Variants in CADPS observed in about 807,000 individuals in gnomAD.
CADPS encodes the protein calcium-dependent secretion activator 1.
A neutral mutation model predicts 167.3 loss-of-function variants in CADPS; 57 were observed. That is an observed-to-expected ratio of 0.34 (90% CI 0.28 to 0.42). The LOEUF (loss-of-function observed/expected upper bound fraction) is 0.42. Among genes scored for constraint, CADPS ranks in the 20% least tolerant of loss-of-function variants. The probability of loss-of-function intolerance (pLI) is 1.00; values close to 1 mark genes in which losing one functional copy is unlikely to be tolerated. For synonymous variants in CADPS, 676 were observed against 635.3 expected (o/e 1.06, Z -0.96); for missense variants, 1,414 against 1,738.1 (o/e 0.81, Z 3.32).
Position 62,550,066 on chromosome 3 carries a change from G to A in CADPS, c.1803C>T (p.Thr601=), listed in dbSNP as rs770889749. 21 of 1,613,852 alleles carry A rather than the reference G, an allele frequency of 1.3e-5. No homozygotes were observed. The highest frequency in any genetic ancestry group is 1.6e-5 in the Non-Finnish European group (19 of 1,179,978). Residue 601 remains threonine, a synonymous_variant, in exon 11 of 30, where the codon ACC becomes ACT. Transcript: ENST00000383710. ...AFFNAVKEGD[T]VIFASDDEQD... is the part of the protein sequence containing the mutation. ...GTTCATCGTCACTGGCAAATATCAC[G>A]GTGTCTCCCTCCTTGACAGCATTGA...
At position 62,475,592 on chromosome 3, in the gene CADPS, A is replaced by AAAC. The variant is rs1231690947; in HGVS notation, c.3330-1273_3330-1272insGTT. ...GGGAGCCCAGTTCTTAAGAAAAAAA[A>AAAC]AAAAAAAAAAAAAAAAAAAACACCT... On this transcript the variant is annotated intron_variant, in intron 23 of 29. Coordinates refer to ENST00000383710, the MANE Select transcript of CADPS (RefSeq NM_003716.4). Among the ~76,000 whole-genome samples the AAAC allele has an allele frequency of 7.2e-4, 103 of 142,806 alleles. 1 individual carries two copies. Among genetic ancestry groups the AAAC allele is most frequent in the African/African-American group, 2.6e-3 (100 of 38,338 alleles). The allele number at this position is 142,806 out of a possible 152,430, so 93.7% of individuals were successfully genotyped here. A position where few individuals can be genotyped will look rare whatever the true frequency, so the allele number is the denominator to read the frequency against.
intron 16 of CADPS, among the ~76,000 whole-genome samples, chr3:62,515,074 C>A (rs2068664936): frequency 6.6e-6 from 1 of 152,076 alleles, no homozygotes; most frequent in Admixed American, 6.6e-5. Flanking sequence ...TAATCTTAAC[C>A]TAATTCTCTA....
intron 3 of CADPS, among the ~76,000 whole-genome samples, chr3:62,684,719 C>A (rs544445753): frequency 6.6e-6 from 1 of 151,964 alleles, no homozygotes; most frequent in Non-Finnish European, 1.5e-5. Flanking sequence ...TCAACCCATC[C>A]TCAGTTCTAG....
At chr3:62,608,440 G>A (rs1002627706) in intron 6 of CADPS, among the ~76,000 whole-genome samples, 1 of 151,796 alleles carries the variant, frequency 6.6e-6, no homozygotes, top group Non-Finnish European at 1.5e-5. Flanking sequence ...GTGCCACCAT[G>A]CCAGGCGAAT....
At chr3:62,645,638 C>T (rs2068383661) in intron 6 of CADPS, 84 bp downstream of exon 6, 14 of 1,447,818 alleles carry the variant, frequency 9.7e-6, no homozygotes, top group Non-Finnish European at 1.2e-5. Flanking sequence ...TCTGGGGAAA[C>T]CAGATCTTTA....
chr3:62,626,348 A>C, intron 6 of CADPS: 1 of 470,978 alleles, frequency 2.1e-6, no homozygotes, highest in Non-Finnish European at 3.7e-6. Flanking sequence ...CGGATTTACT[A>C]AACAGAAAAG....
At chr3:62,476,919 A>G (rs544151599) in intron 23 of CADPS, among the ~76,000 whole-genome samples, 3 of 152,280 alleles carry the variant, frequency 2.0e-5, no homozygotes, top group African/African-American at 7.2e-5. Flanking sequence ...CGTGGAATTC[A>G]AGACCCTAAG....
Position 62,481,906 on chromosome 3 carries a change from A to G in CADPS, c.3027-37T>C. ...ACAGACAGAAAGAAAAAATACCATC[A>G]CAGTGACAATGCAGATGTGGCAGAA... On this transcript the variant is annotated intron_variant, in intron 21 of 29. Transcript: ENST00000383710. The G allele has an allele frequency of 1.9e-6, 3 of 1,594,786 alleles. No individual in the cohort carries two copies. In the South Asian group the frequency reaches 3.4e-5, roughly 18 times the overall value.
Position 62,627,181 on chromosome 3 carries a change from G to A in CADPS, c.1325+18541C>T, listed in dbSNP as rs531901570. Among the ~76,000 whole-genome samples, 7 of 151,420 alleles carry A rather than the reference G, an allele frequency of 4.6e-5. No homozygotes were observed. The East Asian group carries it at 1.4e-3, about 30-fold the overall frequency. On this transcript the variant is annotated intron_variant, in intron 6 of 29. Coordinates refer to ENST00000383710, the MANE Select transcript of CADPS (RefSeq NM_003716.4). ...GTGTGTATCCTGAGTTAACAGAAGA[G>A]CAAACATTAATTGTCATATTCTGAT...
intron 1 of CADPS, among the ~76,000 whole-genome samples, chr3:62,843,207 CT>C (rs942714633): frequency 6.6e-6 from 1 of 152,094 alleles, no homozygotes; most frequent in African/African-American, 2.4e-5. Flanking sequence ...ATGAAATAAT[CT>C]TCCAAATACT....
At chr3:62,716,749 C>T (rs1214518780) in intron 3 of CADPS, among the ~76,000 whole-genome samples, 5 of 152,196 alleles carry the variant, frequency 3.3e-5, no homozygotes, top group Non-Finnish European at 7.3e-5. Context: ...CTCATTGTGA[C>T]TAACGCCTAT....
chr3:62,663,596 A>G (rs927011856), intron 3 of CADPS, among the ~76,000 whole-genome samples: 2 of 138,140 alleles, frequency 1.4e-5, no homozygotes, highest in African/African-American at 5.4e-5. Flanking sequence ...AAGAAAGTTT[A>G]AAGCTCCCTG....
chr3:62,485,607 C>T (rs9968060), intron 21 of CADPS, among the ~76,000 whole-genome samples: 77,097 of 151,326 alleles, frequency 0.51, 22,373 homozygotes, highest in East Asian at 0.69. Flanking sequence ...TCAGACCCAA[C>T]TAGATTGAAA....
At chr3:62,550,454 C>T (rs1490969657) in intron 10 of CADPS, among the ~76,000 whole-genome samples, 2 of 152,038 alleles carry the variant, frequency 1.3e-5, no homozygotes, top group East Asian at 1.9e-4. Flanking sequence ...CTCTCTTTAC[C>T]ACATCTCTCC....
chr3:62,492,319 T>G lies in CADPS; in HGVS notation c.2855A>C (p.Gln952Pro). The G allele has an allele frequency of 6.2e-7, 1 of 1,614,062 alleles. No individual in the cohort carries two copies. Among genetic ancestry groups the G allele is most frequent in the South Asian group, 1.1e-5 (1 of 91,076 alleles). The change falls in exon 20 of 30, where the codon CAG becomes CCG. Residue 952 changes from glutamine (Q) to proline (P), a missense_variant. Physicochemically the swap from Gln to Pro is moderately conservative, Grantham distance 76. Around this residue, in one of 6 missense-constraint regions of CADPS, gnomAD observed 529 missense variants for 629.6 expected, o/e 0.84. Coordinates refer to ENST00000383710, the MANE Select transcript of CADPS (RefSeq NM_003716.4). ...PDTWDSFPLF[Q>P]LLNDFLRTDY... ...AGTACGGAGAAAATCATTCAGCAGC[T>G]GAAATAGTGGAAAACTGTCCCATGT...
intron 6 of CADPS, among the ~76,000 whole-genome samples, chr3:62,633,013 C>T (rs1439763238): frequency 3.9e-5 from 6 of 152,038 alleles, no homozygotes; most frequent in East Asian, 1.9e-4. Context: ...TTCACCGAGA[C>T]GCTAGCACTA....
chr3:62,607,415 C>A (rs773973483), intron 6 of CADPS, among the ~76,000 whole-genome samples: 2 of 152,192 alleles, frequency 1.3e-5, no homozygotes, highest in Non-Finnish European at 2.9e-5. Flanking sequence ...AAATCACGAA[C>A]GCTCAAGTGC....
At chr3:62,585,070 T>C (rs1216762484) in intron 8 of CADPS, 115 bp downstream of exon 8, 15 of 957,140 alleles carry the variant, frequency 1.6e-5, no homozygotes, top group Non-Finnish European at 2.2e-5. Flanking sequence ...TTAATATGAA[T>C]TCTTTATATT....
chr3:62,448,648 G>A (rs1443907517), intron 26 of CADPS, among the ~76,000 whole-genome samples: 2 of 151,640 alleles, frequency 1.3e-5, no homozygotes, highest in African/African-American at 4.8e-5. Flanking sequence ...GAGTCTCACT[G>A]TGTCACCCAG....
Sources: gnomAD v4.1 joint callset for allele counts (sites outside exome capture counted in the v4.1 genomes callset) on GRCh38, gnomAD v4.1.1 for gene constraint, gnomAD v4.1.1 regional missense constraint, MANE v1.5 for transcripts, NCBI Gene and HGNC (gene_info 2026-07-23, HGNC 2026-07-21) for gene names.